Variants in LANCL2 observed in about 807,000 individuals in gnomAD.
LANCL2 encodes lanC-like protein 2.
In LANCL2, 33 loss-of-function variants were observed where a neutral mutation model predicts 56.9. That is an observed-to-expected ratio of 0.58 (90% confidence interval 0.44 to 0.78). The LOEUF is 0.78. Ranked by LOEUF, LANCL2 falls within the 30% of genes least tolerant of loss-of-function variation. The pLI is 0.00. For synonymous variants in LANCL2, 233 were observed against 228.2 expected (o/e 1.02, Z -0.19); for missense variants, 562 against 580.2 (o/e 0.97, Z 0.32).
intron 1 of LANCL2, among the ~76,000 whole-genome samples, chr7:55,366,751 C>G (rs1329674262): frequency 1.3e-5 from 2 of 152,176 alleles, no homozygotes; most frequent in Non-Finnish European, 2.9e-5. Context: ...TGGGTCAGAG[C>G]GTTACATTGA....
At chr7:55,378,480 G>C (rs1353739294) in intron 1 of LANCL2, among the ~76,000 whole-genome samples, 3 of 152,020 alleles carry the variant, frequency 2.0e-5, no homozygotes, top group South Asian at 4.1e-4. Context: ...GAAAAAGTGT[G>C]TGTGCGTATA....
intron 6 of LANCL2, among the ~76,000 whole-genome samples, chr7:55,423,873 T>G (rs1790634580): frequency 6.6e-6 from 1 of 152,240 alleles, no homozygotes. Flanking sequence ...GTGTCCTGCG[T>G]CTGATTCCCT....
At chr7:55,392,646 C>T (rs1583750416) in intron 2 of LANCL2, among the ~76,000 whole-genome samples, 1 of 152,248 alleles carries the variant, frequency 6.6e-6, no homozygotes, top group Middle Eastern at 3.4e-3. Context: ...ACTAGCCTGG[C>T]TGATTTTATA....
chr7:55,400,173 T>G, intron 4 of LANCL2, 69 bp downstream of exon 4: 1 of 1,306,246 alleles, frequency 7.7e-7, no homozygotes, highest in Non-Finnish European at 1.0e-6. Context: ...TTGAGTTGTA[T>G]TAACAGCTGG....
intron 5 of LANCL2, among the ~76,000 whole-genome samples, chr7:55,402,996 G>A (rs1352380075): frequency 1.3e-5 from 2 of 151,472 alleles, no homozygotes; most frequent in Non-Finnish European, 3.0e-5. Flanking sequence ...CCCAGACGAT[G>A]GGCGGCCAGG....
At chr7:55,387,455 G>T (rs1790137725) in intron 1 of LANCL2, among the ~76,000 whole-genome samples, 2 of 151,978 alleles carry the variant, frequency 1.3e-5, no homozygotes, top group Middle Eastern at 3.4e-3. Context: ...TCCTCCAGGG[G>T]AGAAAAAGCT....
intron 1 of LANCL2, among the ~76,000 whole-genome samples, chr7:55,378,217 T>C (rs1790024863): frequency 6.6e-6 from 1 of 152,218 alleles, no homozygotes; most frequent in South Asian, 2.1e-4. Context: ...CCTAGCACTT[T>C]AGGAGGCTGA....
At chr7:55,406,808 C>G (rs1480427980) in intron 5 of LANCL2, among the ~76,000 whole-genome samples, 1 of 152,166 alleles carries the variant, frequency 6.6e-6, no homozygotes, top group African/African-American at 2.4e-5. Context: ...AGAAAAACAA[C>G]AAAACAGAAA....
chr7:55,424,327 C>T lies in LANCL2; in HGVS notation c.1009-927C>T, dbSNP rs1790639325. ...CTGTCTCTGCAGCTGACCATATAAA[C>T]AACTCAGGGAGGTGGTGCTTGCTCC... On this transcript the variant is annotated intron_variant, in intron 6 of 8. Transcript: ENST00000254770. 4.6e-5 allele frequency among the ~76,000 whole-genome samples: 7 copies of T among 152,204 alleles called. No homozygotes were observed. In the South Asian group the frequency reaches 1.4e-3, roughly 32 times the overall value.
At chr7:55,369,074 C>T (rs530320759) in intron 1 of LANCL2, among the ~76,000 whole-genome samples, 4 of 152,278 alleles carry the variant, frequency 2.6e-5, no homozygotes, top group African/African-American at 9.6e-5. Flanking sequence ...TGCCAGCCAA[C>T]ACCAGAAACT....
chr7:55,415,341 C>T (rs921196400), intron 6 of LANCL2, among the ~76,000 whole-genome samples: 3 of 152,350 alleles, frequency 2.0e-5, no homozygotes, highest in South Asian at 4.1e-4. Flanking sequence ...TGTGCCCACA[C>T]GCCTGCCCTG....
Position 55,401,300 on chromosome 7 carries a change from A to G in LANCL2, c.805A>G (p.Ile269Val). 6.2e-7 allele frequency: 1 copy of G among 1,614,080 alleles called. No homozygotes were observed. Among genetic ancestry groups the G allele is most frequent in the Non-Finnish European group, 8.5e-7 (1 of 1,179,956 alleles). Residue 269 changes from isoleucine (I) to valine (V), a missense_variant, in exon 5 of 9, where the codon ATT (isoleucine) becomes GTT (valine). Ile to Val is a conservative substitution (Grantham distance 29). Coordinates refer to ENST00000254770, the MANE Select transcript of LANCL2 (RefSeq NM_018697.4). ...YVGAAHGMAG[I>V]YYMLMQPAAK... The stretch of plus-strand genomic sequence containing the variant: ...TGGAGCAGCCCATGGCATGGCTGGA[A>G]TTTACTATATGTTAATGCAGGTAGG...
chr7:55,407,091 C>T (rs1790416363), intron 5 of LANCL2, among the ~76,000 whole-genome samples: 1 of 152,216 alleles, frequency 6.6e-6, no homozygotes, highest in Non-Finnish European at 1.5e-5. Context: ...AGTGGTTGGA[C>T]CTCTGTGAGC....
intron 1 of LANCL2, among the ~76,000 whole-genome samples, chr7:55,377,517 GA>G (rs1156720343): frequency 6.6e-6 from 1 of 151,390 alleles, no homozygotes; most frequent in Non-Finnish European, 1.5e-5. Context: ...CCGTCCCCAG[GA>G]AAAAAGCTTT....
chr7:55,376,030 G>A (rs900327195), intron 1 of LANCL2, among the ~76,000 whole-genome samples: 4 of 152,138 alleles, frequency 2.6e-5, no homozygotes, highest in African/African-American at 9.7e-5. Flanking sequence ...GGGATTAGAT[G>A]GGCCCCGCTT....
chr7:55,408,386 G>T (rs550301293), intron 5 of LANCL2, among the ~76,000 whole-genome samples: 39 of 152,018 alleles, frequency 2.6e-4, no homozygotes, highest in Non-Finnish European at 5.4e-4. Context: ...AGGGACATAG[G>T]CTGGGCGCAG....
At chr7:55,391,979 A>C in intron 2 of LANCL2, 69 bp downstream of exon 2, 2 of 915,264 alleles carry the variant, frequency 2.2e-6, no homozygotes, top group Non-Finnish European at 3.5e-6. Context: ...ACTTGACTGA[A>C]ATTTTCTTCT....
In LANCL2 at chr7:55,366,021, C is replaced by A; in HGVS notation, c.-5C>A. On this transcript the variant is annotated 5_prime_UTR_variant, in exon 1 of 9. Coordinates refer to ENST00000254770, the MANE Select transcript of LANCL2 (RefSeq NM_018697.4). ...TCCCCGCCCGCGCGCCGTACCGCGGCGGAGATGGGCGAGACCATGTCAAAG... is the reference window on the plus strand; with the variant it reads ...TCCCCGCCCGCGCGCCGTACCGCGGAGGAGATGGGCGAGACCATGTCAAAG... 2.1e-6 allele frequency: 3 copies of A among 1,439,572 alleles called. No homozygotes were observed. Among genetic ancestry groups the A allele is most frequent in the Non-Finnish European group, 2.8e-6 (3 of 1,090,444 alleles). The allele number at this position is 1,439,572 out of a possible 1,614,324, so 89.2% of individuals were successfully genotyped here.
intron 1 of LANCL2, among the ~76,000 whole-genome samples, chr7:55,383,643 C>G (rs571063155): frequency 1.9e-4 from 29 of 152,306 alleles, no homozygotes; most frequent in African/African-American, 6.7e-4. Flanking sequence ...AAAAAAACAG[C>G]TTGCCAAAGA....
Sources: gnomAD v4.1 joint callset for allele counts (sites outside exome capture counted in the v4.1 genomes callset) on GRCh38, gnomAD v4.1.1 for gene constraint, MANE v1.5 for transcripts, NCBI Gene and HGNC (gene_info 2026-07-23, HGNC 2026-07-21) for gene names.